The following RNASET2 variants were observed in gnomAD, a reference collection of about 807,000 sequenced individuals.
The protein encoded by RNASET2 is ribonuclease 6.
RNASET2 carries 28 observed loss-of-function variants against 33.9 expected under a neutral mutation model. That is an observed-to-expected ratio of 0.83 (90% confidence interval 0.61 to 1.13). RNASET2 has a LOEUF of 1.13. Ranked by LOEUF, RNASET2 falls within the 50% of genes most tolerant of loss-of-function variation. The pLI is 0.00. For synonymous variants in RNASET2, 123 were observed against 121.0 expected (o/e 1.02, Z -0.11); for missense variants, 330 against 319.9 (o/e 1.03, Z -0.24).
rs1778338046 is a variant in RNASET2 at position 166,928,269 on chromosome 6, A to T, written c.*1319T>A. Among the ~76,000 whole-genome samples, 1 of 152,192 alleles carries T rather than the reference A, an allele frequency of 6.6e-6. No homozygotes were observed. The highest frequency in any genetic ancestry group is 1.5e-5 in the Non-Finnish European group (1 of 68,040). ...CACTGAGTCTAGGATCAGGACTGCGACACCTACTTTCTCACCGTCCCATCT... is the reference window on the plus strand; with the variant it reads ...CACTGAGTCTAGGATCAGGACTGCGTCACCTACTTTCTCACCGTCCCATCT... On this transcript the variant is annotated 3_prime_UTR_variant, in exon 9 of 9. Coordinates refer to ENST00000508775, the MANE Select transcript of RNASET2 (RefSeq NM_003730.6).
intron 2 of RNASET2, among the ~76,000 whole-genome samples, chr6:166,951,022 T>C (rs978406660): frequency 1.3e-5 from 2 of 151,802 alleles, no homozygotes; most frequent in Non-Finnish European, 2.9e-5. Flanking sequence ...AGACCAGTAG[T>C]GGCCCCGAAT....
chr6:166,953,754 T>C (rs1160390900), intron 1 of RNASET2, among the ~76,000 whole-genome samples: 1 of 151,936 alleles, frequency 6.6e-6, no homozygotes, highest in Non-Finnish European at 1.5e-5. Context: ...GGCATGAACC[T>C]GTAGTCCCAG....
At chr6:166,937,856 G>A (rs1216919338) in intron 6 of RNASET2, among the ~76,000 whole-genome samples, 2 of 152,096 alleles carry the variant, frequency 1.3e-5, no homozygotes, top group Non-Finnish European at 2.9e-5. Flanking sequence ...CTTGATCCCC[G>A]CTAACCGTGC....
rs1241145308 is a variant in RNASET2 at position 166,923,901 on chromosome 6, T to G, written c.*5687A>C. On this transcript the variant is annotated 3_prime_UTR_variant, in exon 9 of 9. Coordinates refer to ENST00000508775, the MANE Select transcript of RNASET2 (RefSeq NM_003730.6). ...TTCCAGCCTTCTGCAGTGATAGATC[T>G]AGCCAATATAGTTGAATTCTGAAAA... Among the ~76,000 whole-genome samples, 14 of 152,248 alleles carry G rather than the reference T, an allele frequency of 9.2e-5. No homozygotes were observed. The highest frequency in any genetic ancestry group is 9.2e-4 in the Admixed American group (14 of 15,288).
At chr6:166,929,859 TGAACTTTTA>T (rs1778378364) in intron 8 of RNASET2, 68 bp from the exon 9 acceptor site, 3 of 1,479,744 alleles carry the variant, frequency 2.0e-6, no homozygotes, top group East Asian at 2.3e-5. Context: ...CTTAAGATCA[TGAACTTTTA>T]GAACTTTTAG....
At chr6:166,935,647 T>C (rs771454431) in intron 6 of RNASET2, among the ~76,000 whole-genome samples, 11 of 152,196 alleles carry the variant, frequency 7.2e-5, no homozygotes, top group Non-Finnish European at 1.0e-4. Flanking sequence ...CTTCATATTA[T>C]GAAGTGAAGA....
At chr6:166,938,640 G>A (rs1475225587) in intron 6 of RNASET2, 1 of 729,038 alleles carries the variant, frequency 1.4e-6, no homozygotes, top group South Asian at 1.4e-5. Flanking sequence ...GGCCGACTCT[G>A]ATGATGAGAT....
Position 166,926,586 on chromosome 6 carries a change from AC to A in RNASET2, c.*3001del, listed in dbSNP as rs1323454509. On this transcript the variant is annotated 3_prime_UTR_variant, in exon 9 of 9. Transcript: ENST00000508775. Reference sequence around the variant, plus strand: ...AAAGATATCTAGTTCTGAATATGATACAATTGCTACTGTTAGTTATTCAAGC... The same window carrying A: ...AAAGATATCTAGTTCTGAATATGATAAATTGCTACTGTTAGTTATTCAAGC... Among the ~76,000 whole-genome samples, 1 of 151,940 alleles carries A rather than the reference AC, an allele frequency of 6.6e-6. No homozygotes were observed. Among genetic ancestry groups the A allele is most frequent in the African/African-American group, 2.4e-5 (1 of 41,372 alleles).
rs1778323860 is a variant in RNASET2, at chr6:166,927,471, C to T, written c.*2117G>A. ...CAGGATGCTACCTTGTTGGCGTCCC[C>T]ATCCGCTCTCAAATGCTCACACTCA... On this transcript the variant is annotated 3_prime_UTR_variant, in exon 9 of 9. Transcript: ENST00000508775. Among the ~76,000 whole-genome samples, 2 of 152,096 alleles carry T rather than the reference C, an allele frequency of 1.3e-5. No homozygotes were observed. The highest frequency in any genetic ancestry group is 2.4e-5 in the African/African-American group (1 of 41,392).
intron 1 of RNASET2, chr6:166,955,363 GCACA>G (rs1270564056): frequency 1.2e-5 from 3 of 252,750 alleles, no homozygotes; most frequent in East Asian, 7.3e-4. Flanking sequence ...ACACACACAC[GCACA>G]CACAAACGCA....
rs117006878 is a variant in RNASET2, at chr6:166,943,642, G to A, written c.262-553C>T. 1,303 of 392,724 alleles carry A rather than the reference G, an allele frequency of 3.3e-3. 2 individuals are homozygous for A. Among genetic ancestry groups the A allele is most frequent in the Non-Finnish European group, 5.9e-3 (1,123 of 191,296 alleles). 24.3% of individuals were successfully genotyped at this position (392,724 alleles called of 1,614,324 possible). On this transcript the variant is annotated intron_variant, in intron 4 of 8. Transcript: ENST00000508775. ...TGCTCTCCTGCATTTGTCCAAAGCC[G>A]CACAACACAGGAGTAAACCCTAATG...
chr6:166,934,314 G>T, intron 6 of RNASET2, 178 bp from the exon 7 acceptor site: 1 of 621,548 alleles, frequency 1.6e-6, no homozygotes, highest in Non-Finnish European at 2.9e-6. Context: ...CCCAGTCCCC[G>T]CCTTCCCCAC....
At position 166,923,694 on chromosome 6, in the gene RNASET2, G is replaced by C. The variant is rs546851140; in HGVS notation, c.*5894C>G. On this transcript the variant is annotated 3_prime_UTR_variant, in exon 9 of 9. Transcript: ENST00000508775. ...ATCATCTGTCAGAGATTTTGCTTCA[G>C]ATAAGAAAACCCTCACTACTGCCCC... Among the ~76,000 whole-genome samples the C allele has an allele frequency of 2.0e-5, 3 of 152,092 alleles. No individual in the cohort carries two copies. Among genetic ancestry groups the C allele is most frequent in the African/African-American group, 7.2e-5 (3 of 41,406 alleles).
chr6:166,956,467 G>T lies in RNASET2; in HGVS notation c.-285C>A, dbSNP rs1355770288. On this transcript the variant is annotated 5_prime_UTR_variant, in exon 1 of 9. Transcript: ENST00000508775. Reference sequence around the variant, plus strand: ...CGTGCACCAAGCGCGCACGTCCCGGGCTCTGCTTCGCGACCCACAGCGACC... The same window carrying T: ...CGTGCACCAAGCGCGCACGTCCCGGTCTCTGCTTCGCGACCCACAGCGACC... 3.8e-5 allele frequency: 18 copies of T among 476,858 alleles called. No individual in the cohort carries two copies. Among genetic ancestry groups the T allele is most frequent in the Non-Finnish European group, 6.8e-5 (18 of 265,582 alleles). 29.5% of individuals were successfully genotyped at this position (476,858 alleles called of 1,614,324 possible).
intron 3 of RNASET2, 70 bp from the exon 4 acceptor site, chr6:166,946,809 T>C (rs1438712095): frequency 1.2e-6 from 1 of 842,210 alleles, no homozygotes; most frequent in Non-Finnish European, 2.0e-6. Context: ...TACATGACCT[T>C]AGAAAACACT....
Position 166,930,210 on chromosome 6 carries a change from G to T in RNASET2, c.568-419C>A, listed in dbSNP as rs866104545. Reference sequence around the variant, plus strand: ...ACAGTACCCTATTGCTAAAAGAACAGGTATATTCTTGTTAAAGATAAGCAA... The same window carrying T: ...ACAGTACCCTATTGCTAAAAGAACATGTATATTCTTGTTAAAGATAAGCAA... On this transcript the variant is annotated intron_variant, in intron 8 of 8. Transcript: ENST00000508775. Among the ~76,000 whole-genome samples the T allele has an allele frequency of 2.0e-5, 3 of 152,320 alleles. No individual in the cohort carries two copies. The Middle Eastern group carries it at 0.01, about 518-fold the overall frequency.
At chr6:166,942,358 T>C (rs1778712593) in intron 5 of RNASET2, among the ~76,000 whole-genome samples, 2 of 152,108 alleles carry the variant, frequency 1.3e-5, no homozygotes, top group African/African-American at 2.4e-5. Flanking sequence ...TGGTCTCTTT[T>C]TTCTTAATGT....
intron 5 of RNASET2, among the ~76,000 whole-genome samples, chr6:166,941,154 T>G (rs936246175): frequency 4.6e-5 from 7 of 152,242 alleles, no homozygotes; most frequent in African/African-American, 1.4e-4. Flanking sequence ...GAGATTTATC[T>G]TTTTCATTTA....
chr6:166,930,638 A>G (rs1432995760), intron 8 of RNASET2, among the ~76,000 whole-genome samples: 1 of 149,102 alleles, frequency 6.7e-6, no homozygotes, highest in Non-Finnish European at 1.5e-5. Flanking sequence ...TGCCCACATA[A>G]TGTACACACT....
Sources: allele counts gnomAD v4.1 joint callset (sites outside exome capture counted in the v4.1 genomes callset), GRCh38; gene constraint gnomAD v4.1.1; transcripts MANE v1.5; gene names NCBI Gene and HGNC (gene_info 2026-07-23, HGNC 2026-07-21).